Variants in KIF26B observed in about 807,000 individuals in gnomAD.
KIF26B encodes kinesin-like protein KIF26B.
In KIF26B, 63 loss-of-function variants were observed where a neutral mutation model predicts 151.2. The observed-to-expected ratio is 0.42, with a 90% CI of 0.34 to 0.51. KIF26B has a LOEUF of 0.51. KIF26B is among the 20% of genes least tolerant of loss of function. The probability of loss-of-function intolerance (pLI) is 0.07; values close to 1 mark genes in which losing one functional copy is unlikely to be tolerated. For synonymous variants in KIF26B, 1,357 were observed against 1,262.1 expected (o/e 1.08, Z -1.59); for missense variants, 2,813 against 2,913.6 (o/e 0.97, Z 0.79).
chr1:245,199,129 G>T (rs1233500164), intron 2 of KIF26B, among the ~76,000 whole-genome samples: 3 of 152,032 alleles, frequency 2.0e-5, no homozygotes, highest in Non-Finnish European at 4.4e-5. Flanking sequence ...CAGAGCTAAG[G>T]CAAGACGCAG....
chr1:245,557,870 T>C (rs765462260), intron 5 of KIF26B, among the ~76,000 whole-genome samples: 1 of 152,112 alleles, frequency 6.6e-6, no homozygotes, highest in Admixed American at 6.5e-5. Context: ...CAAGCTCAAA[T>C]AGGCAGAGGG....
intron 3 of KIF26B, among the ~76,000 whole-genome samples, chr1:245,415,736 T>C (rs1674400226): frequency 6.6e-6 from 1 of 151,824 alleles, no homozygotes; most frequent in African/African-American, 2.4e-5. Flanking sequence ...CACAAGATAT[T>C]GACAGGAAAT....
intron 9 of KIF26B, among the ~76,000 whole-genome samples, chr1:245,639,482 T>A (rs11484996): frequency 0.31 from 47,212 of 151,622 alleles, 7,791 homozygotes; most frequent in East Asian, 0.39. Flanking sequence ...TTCTGCTCCA[T>A]CTTTACTCAT....
At chr1:245,691,559 G>A (rs1473765633) in intron 12 of KIF26B, among the ~76,000 whole-genome samples, 1 of 152,086 alleles carries the variant, frequency 6.6e-6, no homozygotes, top group Non-Finnish European at 1.5e-5. Flanking sequence ...TGTCAGACAT[G>A]GTCAGCATAA....
At chr1:245,648,679 G>A (rs548223390) in intron 10 of KIF26B, among the ~76,000 whole-genome samples, 32 of 152,042 alleles carry the variant, frequency 2.1e-4, no homozygotes, top group Admixed American at 3.9e-4. Context: ...TTCAAGCTTC[G>A]TGTTAATTAA....
In KIF26B at chr1:245,563,592, T is replaced by G. The variant is rs1290913877; in HGVS notation, c.1350+22642T>G. On this transcript the variant is annotated intron_variant, in intron 5 of 14. Transcript: ENST00000407071. The surrounding 1 kb of genome is among the most constrained non-coding windows in gnomAD (Gnocchi z 4.6). Reference sequence around the variant, plus strand: ...CTGACAGATTCCGGAGGCCTTCAACTCCCACCTATGAAGCAGCCAGTGGCC... The same window carrying G: ...CTGACAGATTCCGGAGGCCTTCAACGCCCACCTATGAAGCAGCCAGTGGCC... Among the ~76,000 whole-genome samples, 1 of 152,132 alleles carries G rather than the reference T, an allele frequency of 6.6e-6. No homozygotes were observed. Among genetic ancestry groups the G allele is most frequent in the African/African-American group, 2.4e-5 (1 of 41,416 alleles).
At chr1:245,215,531 T>C (rs1227215162) in intron 2 of KIF26B, among the ~76,000 whole-genome samples, 1 of 152,038 alleles carries the variant, frequency 6.6e-6, no homozygotes, top group African/African-American at 2.4e-5. Flanking sequence ...TGGAGGCTTC[T>C]CCTCCTCTGG....
rs2103561641 is a variant in KIF26B at position 245,244,564 on chromosome 1, G to A, written c.465+87881G>A. Among the ~76,000 whole-genome samples, 1 of 152,160 alleles carries A rather than the reference G, an allele frequency of 6.6e-6. No homozygotes were observed. Among genetic ancestry groups the A allele is most frequent in the South Asian group, 2.1e-4 (1 of 4,808 alleles). ...AGAGGGAGCCAGGCCCAGAAAATGA[G>A]GGGGACATTTACGTCATGGAACACA... On this transcript the variant is annotated intron_variant, in intron 2 of 14. Transcript: ENST00000407071. The surrounding 1 kb of genome is among the most constrained non-coding windows in gnomAD (Gnocchi z 4.2).
intron 2 of KIF26B, among the ~76,000 whole-genome samples, chr1:245,286,165 A>G (rs917349747): frequency 2.0e-5 from 3 of 152,070 alleles, no homozygotes; most frequent in Non-Finnish European, 4.4e-5. Flanking sequence ...TACTCATCAT[A>G]CGTCAGGATG....
chr1:245,656,174 G>A (rs1298046438), intron 10 of KIF26B, among the ~76,000 whole-genome samples: 1 of 152,208 alleles, frequency 6.6e-6, no homozygotes, highest in Non-Finnish European at 1.5e-5. Context: ...TACAGACACT[G>A]AGCACCGAGT....
At chr1:245,410,321 C>A (rs1048047922) in intron 3 of KIF26B, among the ~76,000 whole-genome samples, 1 of 152,206 alleles carries the variant, frequency 6.6e-6, no homozygotes, top group Non-Finnish European at 1.5e-5. Flanking sequence ...TCTTGGCCCT[C>A]TTCTCTTGAC....
chr1:245,581,361 C>T (rs74409108), intron 5 of KIF26B, among the ~76,000 whole-genome samples: 8,231 of 152,098 alleles, frequency 0.054, 501 homozygotes, highest in African/African-American at 0.15. Context: ...TTGGGTTTTG[C>T]TGCAAATATA....
intron 4 of KIF26B, among the ~76,000 whole-genome samples, chr1:245,501,562 G>T (rs1323202231): frequency 6.6e-6 from 1 of 152,214 alleles, no homozygotes; most frequent in Admixed American, 6.5e-5. Flanking sequence ...CTTTAGAAGA[G>T]TTATCATGCC....
chr1:245,336,041 GGGTCCC>G (rs1558393437), intron 2 of KIF26B, among the ~76,000 whole-genome samples: 89 of 126,226 alleles, frequency 7.1e-4, no homozygotes, highest in African/African-American at 2.9e-3. Flanking sequence ...AGGGAAAGGA[GGGTCCC>G]ACGCAGGGAA....
At chr1:245,480,548 A>G (rs1242053406) in intron 4 of KIF26B, among the ~76,000 whole-genome samples, 2 of 151,686 alleles carry the variant, frequency 1.3e-5, no homozygotes, top group Middle Eastern at 3.2e-3. Context: ...CCAGCTTGGT[A>G]CCGTATAACC....
chr1:245,234,886 C>T (rs1166361277), intron 2 of KIF26B, among the ~76,000 whole-genome samples: 3 of 152,172 alleles, frequency 2.0e-5, no homozygotes, highest in Admixed American at 1.3e-4. Flanking sequence ...CAGCAGTGGG[C>T]CCATTAGCCA....
In KIF26B at chr1:245,698,839, G is replaced by T. The variant is rs1187264354; in HGVS notation, c.6028-48G>T. On this transcript the variant is annotated intron_variant, in intron 13 of 14. Transcript: ENST00000407071. The surrounding 1 kb of genome is among the most constrained non-coding windows in gnomAD (Gnocchi z 4.0). Reference sequence around the variant, plus strand: ...ACTCACAGGTGCTCCTGTGGTGTGGGCTGGGTGTGAGCAGAAGGGCCCTTT... The same window carrying T: ...ACTCACAGGTGCTCCTGTGGTGTGGTCTGGGTGTGAGCAGAAGGGCCCTTT... 5 of 1,588,736 alleles carry T rather than the reference G, an allele frequency of 3.1e-6. No homozygotes were observed. The highest frequency in any genetic ancestry group is 4.3e-6 in the Non-Finnish European group (5 of 1,163,810).
chr1:245,615,652 G>A (rs1457367970), intron 9 of KIF26B, among the ~76,000 whole-genome samples: 1 of 152,190 alleles, frequency 6.6e-6, no homozygotes, highest in African/African-American at 2.4e-5. Context: ...AAAAGAAAGG[G>A]CAAATACCAC....
intron 10 of KIF26B, among the ~76,000 whole-genome samples, chr1:245,679,287 C>A (rs2044397107): frequency 6.6e-6 from 1 of 152,076 alleles, no homozygotes; most frequent in African/African-American, 2.4e-5. Flanking sequence ...CCTGGTTGGT[C>A]AGCCCTGTGC....
Sources: gnomAD v4.1 joint callset for allele counts (sites outside exome capture counted in the v4.1 genomes callset) on GRCh38, gnomAD v4.1.1 for gene constraint, Gnocchi (gnomAD v3.1) non-coding constraint, MANE v1.5 for transcripts, NCBI Gene and HGNC (gene_info 2026-07-23, HGNC 2026-07-21) for gene names.